The following NXPE2 variants were observed in gnomAD, a reference collection of about 807,000 sequenced individuals.
NXPE2 encodes neurexophilin and PC-esterase domain family member 2.
A neutral mutation model predicts 34.4 loss-of-function variants in NXPE2; 34 were observed. That is an observed-to-expected ratio of 0.99 (90% confidence interval 0.75 to 1.31). The LOEUF is 1.31. Ranked by LOEUF, NXPE2 falls within the 40% of genes most tolerant of loss-of-function variation. NXPE2 has a pLI of 0.00. For synonymous variants in NXPE2, 235 were observed against 231.3 expected (o/e 1.02, Z -0.15); for missense variants, 649 against 672.5 (o/e 0.97, Z 0.39).
chr11:114,795,770 G>T, the NXPE2 span, among the ~76,000 whole-genome samples: 3 of 152,184 alleles, frequency 2.0e-5, no homozygotes, highest in African/African-American at 7.2e-5. Context: ...TCAACTTAGG[G>T]TGAAAGACTG....
the NXPE2 span, among the ~76,000 whole-genome samples, chr11:114,540,209 G>A: frequency 1.8e-3 from 270 of 152,188 alleles, 7 homozygotes; most frequent in South Asian, 0.054. Context: ...TGCCTGCCTC[G>A]GCCTCCCAAA....
At chr11:114,586,711 C>A in the NXPE2 span, among the ~76,000 whole-genome samples, 1 of 152,164 alleles carries the variant, frequency 6.6e-6, no homozygotes, top group African/African-American at 2.4e-5. Context: ...TGGACTAATT[C>A]CAGCCTCCAA....
the NXPE2 span, among the ~76,000 whole-genome samples, chr11:114,626,462 G>T: frequency 6.6e-6 from 1 of 152,092 alleles, no homozygotes; most frequent in Non-Finnish European, 1.5e-5. Flanking sequence ...TGCAGCTGAC[G>T]GTCCTGTCTG....
chr11:114,484,314 A>G, the NXPE2 span, among the ~76,000 whole-genome samples: 1 of 152,150 alleles, frequency 6.6e-6, no homozygotes, highest in African/African-American at 2.4e-5. Context: ...GCCTCAAACT[A>G]TCTGGGGTAT....
the NXPE2 span, among the ~76,000 whole-genome samples, chr11:114,640,841 A>G: frequency 6.6e-6 from 1 of 152,004 alleles, no homozygotes; most frequent in Non-Finnish European, 1.5e-5. Flanking sequence ...GTCCATGTAG[A>G]TTCTGGATAT....
the NXPE2 span, among the ~76,000 whole-genome samples, chr11:114,635,661 G>C: frequency 6.6e-6 from 1 of 151,890 alleles, no homozygotes; most frequent in South Asian, 2.1e-4. Context: ...TTTATTGAGA[G>C]TTTTTAGCCT....
chr11:114,776,050 A>C, the NXPE2 span, among the ~76,000 whole-genome samples: 18 of 152,136 alleles, frequency 1.2e-4, no homozygotes, highest in African/African-American at 3.6e-4. Context: ...GTGGGTCTTT[A>C]TCTCTCTCCA....
At chr11:114,547,886 T>G in the NXPE2 span, among the ~76,000 whole-genome samples, 1 of 152,332 alleles carries the variant, frequency 6.6e-6, no homozygotes, top group East Asian at 1.9e-4. Context: ...ACAATAATGT[T>G]GAAATGGAGG....
the NXPE2 span, among the ~76,000 whole-genome samples, chr11:114,525,836 T>C: frequency 1.3e-5 from 2 of 152,224 alleles, no homozygotes; most frequent in Admixed American, 6.5e-5. Context: ...GCCCTGTCTT[T>C]GTTCGGGGCT....
At chr11:114,654,245 G>C in the NXPE2 span, among the ~76,000 whole-genome samples, 3 of 151,860 alleles carry the variant, frequency 2.0e-5, no homozygotes, top group African/African-American at 7.3e-5. Flanking sequence ...AGCCCCTCAG[G>C]AGCTTTGAAT....
At chr11:114,620,886 C>T in the NXPE2 span, among the ~76,000 whole-genome samples, 2 of 152,124 alleles carry the variant, frequency 1.3e-5, no homozygotes, top group Admixed American at 6.5e-5. Flanking sequence ...AGTATTGCCT[C>T]ACGGGTAACC....
the NXPE2 span, among the ~76,000 whole-genome samples, chr11:114,533,414 C>T: frequency 2.0e-5 from 3 of 152,160 alleles, no homozygotes; most frequent in East Asian, 5.8e-4. Context: ...TGGTTCATCT[C>T]ATGGGGAGTG....
Position 114,706,392 on chromosome 11 carries a change from C to A in NXPE2, c.1145-3C>A, listed in dbSNP as rs1043304629. ...AAATATTTATTGATTTGTCTTTCAT[C>A]AGCCCTAAAATATTTTGATCATCAT... On this transcript the variant is annotated splice_polypyrimidine_tract_variant and splice_region_variant and intron_variant, in intron 5 of 5. Coordinates refer to ENST00000389586, the MANE Select transcript of NXPE2 (RefSeq NM_182495.6). 2.0e-5 allele frequency: 30 copies of A among 1,515,904 alleles called. No homozygotes were observed. In the Admixed American group the frequency reaches 5.0e-4, roughly 25 times the overall value. 93.9% of individuals were successfully genotyped at this position (1,515,904 alleles called of 1,614,324 possible).
chr11:114,684,866 C>A (rs558892229), intron 2 of NXPE2, among the ~76,000 whole-genome samples: 3 of 152,132 alleles, frequency 2.0e-5, no homozygotes, highest in Non-Finnish European at 2.9e-5. Flanking sequence ...ATTACTCTTA[C>A]AGTTCTCTAA....
chr11:114,745,649 G>A, the NXPE2 span, among the ~76,000 whole-genome samples: 149 of 151,960 alleles, frequency 9.8e-4, no homozygotes, highest in Admixed American at 8.1e-3. Flanking sequence ...AATTTCTTTG[G>A]GGAATTTTTT....
At chr11:114,513,228 T>C in the NXPE2 span, 1 of 529,822 alleles carries the variant, frequency 1.9e-6, no homozygotes, top group Non-Finnish European at 3.8e-6. Flanking sequence ...CTGTAGTGCG[T>C]GTCTCGAGGG....
At chr11:114,632,614 A>C in the NXPE2 span, among the ~76,000 whole-genome samples, 2 of 101,810 alleles carry the variant, frequency 2.0e-5, no homozygotes. Flanking sequence ...TTTATATTTT[A>C]TATATATTTA....
chr11:114,726,154 T>C, the NXPE2 span, among the ~76,000 whole-genome samples: 12 of 151,838 alleles, frequency 7.9e-5, no homozygotes, highest in African/African-American at 2.9e-4. Flanking sequence ...GTGTTGACAG[T>C]TGTTTTCCTT....
chr11:114,534,116 T>G, the NXPE2 span, among the ~76,000 whole-genome samples: 1 of 152,156 alleles, frequency 6.6e-6, no homozygotes, highest in Non-Finnish European at 1.5e-5. Context: ...GCAGCAGCAT[T>G]TGCGGTTAAC....
Sources: gnomAD v4.1 joint callset for allele counts (sites outside exome capture counted in the v4.1 genomes callset) on GRCh38, gnomAD v4.1.1 for gene constraint, MANE v1.5 for transcripts, NCBI Gene and HGNC (gene_info 2026-07-23, HGNC 2026-07-21) for gene names.